Variants in KCNQ3 observed in about 807,000 individuals in gnomAD.
KCNQ3 encodes potassium voltage-gated channel subfamily KQT member 3.
In KCNQ3, 30 loss-of-function variants were observed where a neutral mutation model predicts 92.5. The observed-to-expected ratio is 0.32, with a 90% CI of 0.24 to 0.44. The LOEUF is 0.44. Among genes scored for constraint, KCNQ3 ranks in the 20% least tolerant of loss-of-function variants. The pLI, the probability that KCNQ3 is intolerant of heterozygous loss-of-function variation, is 1.00. For missense variants in KCNQ3, 913 were observed against 1,140.3 expected, an observed-to-expected ratio of 0.80 and a Z score of 2.87; for synonymous variants, 450 against 468.8, an observed-to-expected ratio of 0.96 and a Z score of 0.52.
intron 14 of KCNQ3, among the ~76,000 whole-genome samples, chr8:132,130,904 C>A (rs1242955048): frequency 1.3e-5 from 2 of 152,172 alleles, no homozygotes; most frequent in African/African-American, 2.4e-5. Flanking sequence ...TCACAACTCA[C>A]CAGGAAACAC....
At position 132,134,383 on chromosome 8, in the gene KCNQ3, T is replaced by C. The variant is rs372671883; in HGVS notation, c.1706A>G (p.Asp569Gly). The change falls in exon 13 of 15, where the codon GAT (aspartate) becomes GGT (glycine). Residue 569 changes from aspartate to glycine, a missense_variant. Transcript: ENST00000388996. ...SRIKYLQTRI[D>G]MIFTPGPPST... ...GGGAGGTCCAGGGGTGAAAATCATATCTATTCTGAAAGAAACAAACAGAGC... is the reference window on the plus strand; with the variant it reads ...GGGAGGTCCAGGGGTGAAAATCATACCTATTCTGAAAGAAACAAACAGAGC... 15 of 1,608,546 alleles carry C rather than the reference T, an allele frequency of 9.3e-6. No individual in the cohort carries two copies. Among genetic ancestry groups the C allele is most frequent in the Non-Finnish European group, 1.3e-5 (15 of 1,175,162 alleles).
intron 1 of KCNQ3, among the ~76,000 whole-genome samples, chr8:132,474,702 G>C (rs1822369516): frequency 6.6e-6 from 1 of 152,114 alleles, no homozygotes; most frequent in Non-Finnish European, 1.5e-5. Context: ...TCTGCAGCCT[G>C]CTGTGGAGTG....
At chr8:132,433,817 G>T (rs909300159) in intron 1 of KCNQ3, among the ~76,000 whole-genome samples, 9 of 152,190 alleles carry the variant, frequency 5.9e-5, no homozygotes, top group East Asian at 1.9e-4. Flanking sequence ...TTGAACCCAG[G>T]AGGCGGAGGT....
intron 1 of KCNQ3, among the ~76,000 whole-genome samples, chr8:132,363,880 C>A (rs1455959625): frequency 6.6e-6 from 1 of 151,748 alleles, no homozygotes; most frequent in Non-Finnish European, 1.5e-5. Flanking sequence ...CCAGGCTGTT[C>A]TAGTTTATCC....
chr8:132,259,371 C>T (rs1023490007), intron 1 of KCNQ3, among the ~76,000 whole-genome samples: 10 of 152,058 alleles, frequency 6.6e-5, no homozygotes, highest in African/African-American at 2.4e-4. Flanking sequence ...GAATACATCA[C>T]ATGTTAATAG....
At chr8:132,150,957 G>T (rs565270189) in intron 9 of KCNQ3, among the ~76,000 whole-genome samples, 1 of 136,724 alleles carries the variant, frequency 7.3e-6, no homozygotes, top group Admixed American at 7.5e-5. Context: ...GGCTTTAATC[G>T]TTGAAAAATA....
At chr8:132,283,401 A>C (rs922196458) in intron 1 of KCNQ3, among the ~76,000 whole-genome samples, 6 of 152,200 alleles carry the variant, frequency 3.9e-5, no homozygotes, top group Non-Finnish European at 8.8e-5. Context: ...TTTTAACATT[A>C]TATTTTCCTG....
chr8:132,453,594 C>A (rs1821873411), intron 1 of KCNQ3, among the ~76,000 whole-genome samples: 1 of 152,182 alleles, frequency 6.6e-6, no homozygotes, highest in African/African-American at 2.4e-5. Context: ...CAGAGGCCAG[C>A]TGGCTCCCTC....
intron 1 of KCNQ3, among the ~76,000 whole-genome samples, chr8:132,469,738 CA>C (rs1822255505): frequency 6.6e-6 from 1 of 152,048 alleles, no homozygotes; most frequent in Non-Finnish European, 1.5e-5. Flanking sequence ...CATAGGATCA[CA>C]ACCAAGTTTC....
At chr8:132,351,819 C>T (rs1161670893) in intron 1 of KCNQ3, among the ~76,000 whole-genome samples, 2 of 152,192 alleles carry the variant, frequency 1.3e-5, no homozygotes, top group Admixed American at 1.3e-4. Context: ...AGGGATAAGA[C>T]AATCACTTTG....
chr8:132,447,036 C>A (rs945752463), intron 1 of KCNQ3, among the ~76,000 whole-genome samples: 1 of 152,204 alleles, frequency 6.6e-6, no homozygotes, highest in Non-Finnish European at 1.5e-5. Flanking sequence ...TTCAATCCCA[C>A]AACAAACATT....
chr8:132,126,429 C>T lies in KCNQ3; in HGVS notation c.*2833G>A, dbSNP rs1396093983. ...ATTGTCTGTGCATAGGCAACTTGAG[C>T]AGGTTTGGTTTGCCTTTCTGGAATA... On this transcript the variant is annotated 3_prime_UTR_variant, in exon 15 of 15. Transcript: ENST00000388996. 1 of 152,086 alleles carries T rather than the reference C, an allele frequency of 6.6e-6. No individual in the cohort carries two copies. The highest frequency in any genetic ancestry group is 6.6e-5 in the Admixed American group (1 of 15,260). The allele number at this position is 152,086 out of a possible 1,614,324, so 9.4% of individuals were successfully genotyped here. A position where few individuals can be genotyped will look rare whatever the true frequency, so the allele number is the denominator to read the frequency against.
At chr8:132,321,118 G>C (rs531853519) in intron 1 of KCNQ3, among the ~76,000 whole-genome samples, 1 of 152,304 alleles carries the variant, frequency 6.6e-6, no homozygotes, top group South Asian at 2.1e-4. Context: ...TGTGGTTATT[G>C]AGTAGTTGAT....
intron 1 of KCNQ3, among the ~76,000 whole-genome samples, chr8:132,317,246 T>G (rs1256701146): frequency 6.6e-6 from 1 of 150,622 alleles, no homozygotes; most frequent in Non-Finnish European, 1.5e-5. Flanking sequence ...TAAAAATAGT[T>G]GTAAGGTGAC....
chr8:132,456,366 A>G (rs918643829), intron 1 of KCNQ3, among the ~76,000 whole-genome samples: 27 of 150,984 alleles, frequency 1.8e-4, no homozygotes, highest in Non-Finnish European at 3.5e-4. Context: ...TCCCACTGCT[A>G]TTTTTTTTTC....
chr8:132,434,901 G>A (rs1821351475), intron 1 of KCNQ3, among the ~76,000 whole-genome samples: 1 of 152,210 alleles, frequency 6.6e-6, no homozygotes, highest in Non-Finnish European at 1.5e-5. Context: ...CTAGGTAGGG[G>A]TCATTATTAC....
chr8:132,360,864 G>C (rs1399106857), intron 1 of KCNQ3, among the ~76,000 whole-genome samples: 1 of 152,152 alleles, frequency 6.6e-6, no homozygotes, highest in Non-Finnish European at 1.5e-5. Context: ...CCAGTGCTTG[G>C]CACACAGCAG....
intron 1 of KCNQ3, among the ~76,000 whole-genome samples, chr8:132,230,039 T>TA (rs1317233800): frequency 6.6e-6 from 1 of 152,210 alleles, no homozygotes; most frequent in African/African-American, 2.4e-5. Flanking sequence ...TAGGATCTTC[T>TA]GTCTGGGAAG....
chr8:132,324,152 C>A (rs1407192282), intron 1 of KCNQ3, among the ~76,000 whole-genome samples: 1 of 152,176 alleles, frequency 6.6e-6, no homozygotes, highest in African/African-American at 2.4e-5. Context: ...CATTCAATAC[C>A]ATGTTCAAAT....
Sources: gnomAD v4.1 joint callset for allele counts (sites outside exome capture counted in the v4.1 genomes callset) on GRCh38, gnomAD v4.1.1 for gene constraint, MANE v1.5 for transcripts, NCBI Gene and HGNC (gene_info 2026-07-23, HGNC 2026-07-21) for gene names.